NLRP11: variants seen among roughly 807,000 people sequenced by gnomAD.
NLRP11 encodes NACHT, LRR and PYD domains-containing protein 11.
A neutral mutation model predicts 79.3 loss-of-function variants in NLRP11; 53 were observed. The ratio of observed to expected loss-of-function variants is 0.67; its 90% confidence interval spans 0.54 to 0.84. The LOEUF (loss-of-function observed/expected upper bound fraction) is 0.84. Ranked by LOEUF, NLRP11 falls within the 40% of genes least tolerant of loss-of-function variation. The pLI is 0.00. For missense variants in NLRP11, 1,264 were observed against 1,255.0 expected, an observed-to-expected ratio of 1.01 and a Z score of -0.11; for synonymous variants, 518 against 462.6, an observed-to-expected ratio of 1.12 and a Z score of -1.54.
intron 3 of NLRP11, 52 bp from the exon 4 acceptor site, chr19:55,808,066 A>C (rs764125397): frequency 2.9e-5 from 37 of 1,254,784 alleles, no homozygotes; most frequent in Admixed American, 4.2e-5. Context: ...AACTCCAGCA[A>C]TTTGTAAAAC....
chr19:55,835,427 ACAGTGGCTCATGCCTGTAATCC>A (rs1214443700), upstream of NLRP11, among the ~76,000 whole-genome samples: 5 of 152,292 alleles, frequency 3.3e-5, no homozygotes, highest in Admixed American at 6.5e-5. Context: ...CAGGCCAGGC[ACAGTGGCTCATGCCTGTAATCC>A]CAGCACTTTG....
intron 2 of NLRP11, among the ~76,000 whole-genome samples, chr19:55,813,995 A>G (rs73935408): frequency 0.011 from 1,685 of 152,234 alleles, 30 homozygotes; most frequent in African/African-American, 0.039. Context: ...CGCCAGACTG[A>G]TATCAGTCTG....
At position 55,811,596 on chromosome 19, in the gene NLRP11, C is replaced by T. The variant is rs369663036; in HGVS notation, c.272-1258G>A. ...CCACCCTCTAGACTACCAGGGCTGC[C>T]TAGTTCCGACCTAGCACATCTCAAC... On this transcript the variant is annotated intron_variant, in intron 2 of 9. Transcript: ENST00000589093. 1.4e-4 allele frequency among the ~76,000 whole-genome samples: 21 copies of T among 152,250 alleles called. No individual in the cohort carries two copies. The East Asian group carries it at 3.1e-3, about 22-fold the overall frequency.
chr19:55,785,841 G>A (rs1300451669), exon 10 of NLRP11: 5 of 1,614,070 alleles, frequency 3.1e-6, no homozygotes. Context: ...GCAACTGCTG[G>A]GTTTGTGTGT....
intron 7 of NLRP11, among the ~76,000 whole-genome samples, chr19:55,789,763 C>T (rs1395903222): frequency 2.0e-5 from 3 of 152,220 alleles, no homozygotes; most frequent in East Asian, 1.9e-4. Context: ...CTGACATTCA[C>T]GTTTCTGCCT....
Position 55,792,355 on chromosome 19 carries a change from A to G in NLRP11, c.2459T>C (p.Val820Ala), listed in dbSNP as rs1001606951. The change falls in exon 7 of 10, where the codon GTG becomes GCG. Residue 820 changes from valine to alanine, a missense_variant. Physicochemically the swap from Val to Ala is moderately conservative, Grantham distance 64 (BLOSUM62 0). Coordinates refer to ENST00000589093, the Ensembl canonical transcript of NLRP11. ...CAGCAAGGGAAACGTCACATGCAAC[A>G]CTCCGTAATTTTTTAAGCGATTCAC... 4 of 1,613,864 alleles carry G rather than the reference A, an allele frequency of 2.5e-6. No individual in the cohort carries two copies. In the Admixed American group the frequency reaches 5.0e-5, roughly 20 times the overall value.
intron 5 of NLRP11, among the ~76,000 whole-genome samples, chr19:55,796,881 G>A (rs1486568829): frequency 6.6e-6 from 1 of 152,012 alleles, no homozygotes; most frequent in African/African-American, 2.4e-5. Flanking sequence ...TAGACACCAG[G>A]TTTCACCATG....
At chr19:55,816,571 A>C (rs1370249243) in intron 2 of NLRP11, among the ~76,000 whole-genome samples, 2 of 152,136 alleles carry the variant, frequency 1.3e-5, no homozygotes, top group Non-Finnish European at 2.9e-5. Flanking sequence ...AATGATGACG[A>C]CCTGCATAGG....
chr19:55,793,662 G>C (rs1978515333), intron 6 of NLRP11, among the ~76,000 whole-genome samples: 1 of 149,270 alleles, frequency 6.7e-6, no homozygotes, highest in Non-Finnish European at 1.5e-5. Flanking sequence ...CACTAGACCA[G>C]AGGCTGGCAG....
In NLRP11 at chr19:55,809,084, GTC is replaced by G; in HGVS notation, c.1524_1525del (p.Glu508AspfsTer27). 6.2e-7 allele frequency: 1 copy of G among 1,613,768 alleles called. No homozygotes were observed. The highest frequency in any genetic ancestry group is 8.5e-7 in the Non-Finnish European group (1 of 1,179,830). ...CATCGGTAGCTGGTATCCAAAGGAT[GTC>G]TCAAGAATCTTTCTCCTGTTTGCAT... On this transcript the variant is annotated frameshift_variant, in exon 3 of 10. Transcript: ENST00000589093. LOFTEE classifies it high-confidence loss of function. The surrounding 1 kb of genome is among the most constrained non-coding windows in gnomAD (Gnocchi z 4.5).
chr19:55,794,720 A>G (rs996031296), intron 6 of NLRP11, among the ~76,000 whole-genome samples: 2 of 152,064 alleles, frequency 1.3e-5, no homozygotes, highest in African/African-American at 4.8e-5. Flanking sequence ...AGATCGCGCC[A>G]CCGCACTCCA....
chr19:55,806,960 C>T (rs1192019022), intron 4 of NLRP11, among the ~76,000 whole-genome samples: 1 of 152,154 alleles, frequency 6.6e-6, no homozygotes, highest in South Asian at 2.1e-4. Flanking sequence ...CTTATTACTA[C>T]AGCCTGTACC....
At position 55,794,359 on chromosome 19, in the gene NLRP11, G is replaced by C. The variant is rs538027638; in HGVS notation, c.2342+1721C>G. The stretch of plus-strand genomic sequence containing the variant: ...TTTGGAGTCTGATTATTGAACCAAT[G>C]GTCTGTCCCTTTTTTCATGAGACCT... On this transcript the variant is annotated intron_variant, in intron 6 of 9. Coordinates refer to ENST00000589093, the Ensembl canonical transcript of NLRP11. 2.6e-5 allele frequency among the ~76,000 whole-genome samples: 4 copies of C among 152,206 alleles called. No individual in the cohort carries two copies. In the South Asian group the frequency reaches 8.3e-4, roughly 32 times the overall value.
chr19:55,823,123 T>G (rs12973034), intron 1 of NLRP11, among the ~76,000 whole-genome samples: 1 of 146,662 alleles, frequency 6.8e-6, no homozygotes, highest in Non-Finnish European at 1.5e-5. Context: ...CCAAGCAGCC[T>G]AACTGGGAGG....
chr19:55,832,726 A>C (rs1170552782), upstream of NLRP11: 2 of 152,242 alleles, frequency 1.3e-5, no homozygotes, highest in Admixed American at 6.5e-5. Context: ...TATCTTTGTA[A>C]GTTAGGAAAT....
chr19:55,830,841 G>A (rs1199384773), intron 1 of NLRP11, among the ~76,000 whole-genome samples: 2 of 152,020 alleles, frequency 1.3e-5, no homozygotes, highest in South Asian at 2.1e-4. Context: ...CCAAGTCGGC[G>A]TTGCATCAGA....
At chr19:55,805,314 T>C (rs1979881160) in intron 4 of NLRP11, among the ~76,000 whole-genome samples, 1 of 151,828 alleles carries the variant, frequency 6.6e-6, no homozygotes, top group African/African-American at 2.4e-5. Flanking sequence ...TGGCCAACCC[T>C]TGGAGGATTG....
At chr19:55,792,556 G>A (rs1240306129) in intron 6 of NLRP11, 85 bp from the exon 7 acceptor site, 21 of 986,460 alleles carry the variant, frequency 2.1e-5, no homozygotes, top group East Asian at 7.2e-5. Flanking sequence ...GCCCACGGGC[G>A]CCTCGATGCC....
intron 9 of NLRP11, among the ~76,000 whole-genome samples, chr19:55,788,468 C>T (rs1323243069): frequency 1.1e-4 from 17 of 150,990 alleles, no homozygotes; most frequent in South Asian, 2.1e-4. Flanking sequence ...CAGCCAGGCG[C>T]GGTGGCTCAC....
Sources: allele counts gnomAD v4.1 joint callset (sites outside exome capture counted in the v4.1 genomes callset), GRCh38; gene constraint gnomAD v4.1.1; non-coding constraint Gnocchi (gnomAD v3.1); transcripts MANE v1.5; gene names NCBI Gene and HGNC (gene_info 2026-07-23, HGNC 2026-07-21).